Variants in ATP2B4 observed in about 807,000 individuals in gnomAD.
ATP2B4 encodes the protein ATPase plasma membrane Ca2+ transporting 4, also known as plasma membrane calcium-transporting ATPase 4.
ATP2B4 carries 39 observed loss-of-function variants against 110.3 expected under a neutral mutation model. The observed-to-expected ratio is 0.35, with a 90% CI of 0.27 to 0.46. The LOEUF (loss-of-function observed/expected upper bound fraction) is 0.46. Ranked by LOEUF, ATP2B4 falls within the 20% of genes least tolerant of loss-of-function variation. The probability of loss-of-function intolerance (pLI) is 1.00; values close to 1 mark genes in which losing one functional copy is unlikely to be tolerated. For missense variants in ATP2B4, 1,135 were observed against 1,530.9 expected (o/e 0.74, Z 4.32); for synonymous variants, 538 against 571.7 (o/e 0.94, Z 0.84).
At chr1:203,721,794 C>G (rs1162025041) in intron 17 of ATP2B4, among the ~76,000 whole-genome samples, 1 of 151,528 alleles carries the variant, frequency 6.6e-6, no homozygotes, top group African/African-American at 2.4e-5. Flanking sequence ...TCCCAAATAG[C>G]TGGGATTACA....
chr1:203,739,022 T>C (rs1442585326), intron 20 of ATP2B4, among the ~76,000 whole-genome samples: 2 of 152,226 alleles, frequency 1.3e-5, no homozygotes, highest in Non-Finnish European at 2.9e-5. Flanking sequence ...CCAACCTGTA[T>C]TATGTGCAGA....
At chr1:203,702,715 C>T (rs1293621480) in intron 7 of ATP2B4, among the ~76,000 whole-genome samples, 1 of 152,212 alleles carries the variant, frequency 6.6e-6, no homozygotes, top group East Asian at 1.9e-4. Context: ...AGGGACTACT[C>T]AGGAAGGGTA....
At position 203,715,344 on chromosome 1, in the gene ATP2B4, G is replaced by A. The variant is rs1270660280; in HGVS notation, c.2406+1067G>A. Among the ~76,000 whole-genome samples the A allele has an allele frequency of 2.1e-5, 3 of 143,300 alleles. 1 individual carries two copies. The highest frequency in any genetic ancestry group is 4.6e-5 in the Non-Finnish European group (3 of 64,672). The allele number at this position is 143,300 out of a possible 152,430, so 94.0% of individuals were successfully genotyped here. ...GAGGCGGGCAGATCGCCTGAGGTCA[G>A]GAGTTCGAGACCAGTCTAGCCAGCA... is the stretch of plus-strand genomic sequence containing the variant. On this transcript the variant is annotated intron_variant, in intron 15 of 20. Coordinates refer to ENST00000357681, the MANE Select transcript of ATP2B4 (RefSeq NM_001684.5).
intron 6 of ATP2B4, among the ~76,000 whole-genome samples, chr1:203,701,608 C>G (rs955951645): frequency 8.5e-5 from 13 of 152,334 alleles, no homozygotes; most frequent in African/African-American, 3.1e-4. Context: ...CACATTCTCT[C>G]AGGAACTAAA....
intron 1 of ATP2B4, among the ~76,000 whole-genome samples, chr1:203,630,490 C>G (rs895450243): frequency 1.3e-5 from 2 of 151,298 alleles, no homozygotes; most frequent in Non-Finnish European, 2.9e-5. Flanking sequence ...AGAAAAGGAT[C>G]TTGTTCATTC....
intron 1 of ATP2B4, among the ~76,000 whole-genome samples, chr1:203,656,790 A>G (rs777910158): frequency 6.6e-6 from 1 of 152,258 alleles, no homozygotes; most frequent in Non-Finnish European, 1.5e-5. Flanking sequence ...TTTTATGAAC[A>G]TGGGGTCTAA....
intron 1 of ATP2B4, among the ~76,000 whole-genome samples, chr1:203,653,643 C>A (rs1412184873): frequency 6.6e-6 from 1 of 152,032 alleles, no homozygotes; most frequent in Non-Finnish European, 1.5e-5. Flanking sequence ...GAATTTTCCA[C>A]CCCTCAAGGT....
chr1:203,650,615 G>T lies in ATP2B4; in HGVS notation c.-465+23396G>T, dbSNP rs946094330. Among the ~76,000 whole-genome samples the T allele has an allele frequency of 2.8e-4, 42 of 152,216 alleles. 1 individual carries two copies. The highest frequency in any genetic ancestry group is 9.4e-4 in the African/African-American group (39 of 41,464). On this transcript the variant is annotated intron_variant, in intron 1 of 20. Coordinates refer to ENST00000357681, the MANE Select transcript of ATP2B4 (RefSeq NM_001684.5). ...GAGTTGCACCGCGCAGAGGCCGGGG[G>T]AGCTGCAGGTCCGAACTCGGCCGGC...
chr1:203,628,504 G>A (rs77198377), intron 1 of ATP2B4, among the ~76,000 whole-genome samples: 4,021 of 152,248 alleles, frequency 0.026, 59 homozygotes, highest in Non-Finnish European at 0.039. Context: ...GAAATAGGCC[G>A]GTACTCAACT....
At chr1:203,668,393 G>T (rs1195359784) in intron 1 of ATP2B4, among the ~76,000 whole-genome samples, 1 of 152,040 alleles carries the variant, frequency 6.6e-6, no homozygotes, top group East Asian at 1.9e-4. Flanking sequence ...TCCTGACTTT[G>T]GTGTTTTGTT....
In ATP2B4 at chr1:203,713,217, G is replaced by T; in HGVS notation, c.2264G>T (p.Arg755Leu). ...KIWPKLRVLA[R>L]SSPTDKHTLV... ...TGGCCTAAGCTTCGGGTCCTGGCGC[G>T]ATCTTCTCCCACTGACAAGCACACC... Residue 755 changes from arginine (R) to leucine (L), a missense_variant, in exon 14 of 21, where the codon CGA becomes CTA. Physicochemically the swap from Arg to Leu is moderately radical, Grantham distance 102 (BLOSUM62 -2). Around this residue, in one of 9 missense-constraint regions of ATP2B4, gnomAD observed 368 missense variants for 455.9 expected, o/e 0.81. Coordinates refer to ENST00000357681, the MANE Select transcript of ATP2B4 (RefSeq NM_001684.5). The T allele has an allele frequency of 6.2e-7, 1 of 1,614,142 alleles. No homozygotes were observed. Among genetic ancestry groups the T allele is most frequent in the Non-Finnish European group, 8.5e-7 (1 of 1,180,016 alleles).
intron 2 of ATP2B4, among the ~76,000 whole-genome samples, chr1:203,689,079 A>T (rs6660778): frequency 6.6e-6 from 1 of 151,996 alleles, no homozygotes; most frequent in East Asian, 1.9e-4. Flanking sequence ...AATCTTTCCA[A>T]TCCCCAAAGA....
At chr1:203,710,252 C>T (rs1665967102) in intron 11 of ATP2B4, among the ~76,000 whole-genome samples, 1 of 152,068 alleles carries the variant, frequency 6.6e-6, no homozygotes, top group African/African-American at 2.4e-5. Flanking sequence ...TGCCTGTAAT[C>T]CCAGCTACTC....
At chr1:203,703,607 T>A in intron 7 of ATP2B4, 45 bp from the exon 8 acceptor site, 1 of 1,594,982 alleles carries the variant, frequency 6.3e-7, no homozygotes, top group Non-Finnish European at 8.6e-7. Flanking sequence ...CACTCAGTGC[T>A]ACCACCTTGC....
chr1:203,714,249 T>A lies in ATP2B4; in HGVS notation c.2378T>A (p.Leu793Gln). ...TGDGTNDGPA[L>Q]KKADVGFAMG... ...GATGGCACAAATGACGGGCCTGCTC[T>A]GAAGAAAGCGGATGTTGGTTTTGCC... Residue 793 changes from leucine (L) to glutamine (Q), a missense_variant, in exon 15 of 21, where the codon CTG becomes CAG. This residue lies in a region of ATP2B4 where 70 missense variants were observed against 142.4 expected (regional missense o/e 0.49). Coordinates refer to ENST00000357681, the MANE Select transcript of ATP2B4 (RefSeq NM_001684.5). 1 of 1,614,166 alleles carries A rather than the reference T, an allele frequency of 6.2e-7. No individual in the cohort carries two copies. The highest frequency in any genetic ancestry group is 8.5e-7 in the Non-Finnish European group (1 of 1,180,020).
intron 19 of ATP2B4, among the ~76,000 whole-genome samples, chr1:203,725,713 C>G (rs773293895): frequency 1.3e-5 from 2 of 151,998 alleles, no homozygotes; most frequent in African/African-American, 4.8e-5. Context: ...TGGGCTATAC[C>G]TCTCTTTACA....
chr1:203,630,695 C>G (rs779622746), intron 1 of ATP2B4, among the ~76,000 whole-genome samples: 2 of 152,218 alleles, frequency 1.3e-5, no homozygotes, highest in Non-Finnish European at 2.9e-5. Context: ...ACAAGGCTCC[C>G]TACCCAGCCC....
At chr1:203,671,581 C>A (rs772591678) in intron 1 of ATP2B4, among the ~76,000 whole-genome samples, 4 of 152,142 alleles carry the variant, frequency 2.6e-5, no homozygotes, top group Non-Finnish European at 5.9e-5. Flanking sequence ...GCAGACTGAC[C>A]TCTGATCACT....
chr1:203,719,448 G>T (rs1336198748), intron 15 of ATP2B4, among the ~76,000 whole-genome samples: 1 of 151,982 alleles, frequency 6.6e-6, no homozygotes, highest in Non-Finnish European at 1.5e-5. Context: ...GGTGGCACAT[G>T]ACTATAATCC....
Sources: gnomAD v4.1 joint callset for allele counts (sites outside exome capture counted in the v4.1 genomes callset) on GRCh38, gnomAD v4.1.1 for gene constraint, gnomAD v4.1.1 regional missense constraint, MANE v1.5 for transcripts, NCBI Gene and HGNC (gene_info 2026-07-23, HGNC 2026-07-21) for gene names.